Variants in TNIP1 observed in about 807,000 individuals in gnomAD.
TNIP1 encodes the protein TNFAIP3-interacting protein 1.
TNIP1 carries 22 observed loss-of-function variants against 86.6 expected under a neutral mutation model. That is an observed-to-expected ratio of 0.25 (90% CI 0.18 to 0.36). The LOEUF (loss-of-function observed/expected upper bound fraction) is 0.36. Among genes scored for constraint, TNIP1 ranks in the 10% least tolerant of loss-of-function variants. The pLI is 1.00. For synonymous variants in TNIP1, 294 were observed against 313.0 expected, an observed-to-expected ratio of 0.94 and a Z score of 0.64; for missense variants, 709 against 820.6, an observed-to-expected ratio of 0.86 and a Z score of 1.66.
intron 12 of TNIP1, among the ~76,000 whole-genome samples, chr5:151,037,881 G>C (rs562235861): frequency 1.3e-5 from 2 of 152,310 alleles, no homozygotes; most frequent in Middle Eastern, 6.8e-3. Context: ...GCTCCGAGGG[G>C]AAGTTATGGC....
chr5:151,083,200 A>C (rs1487089276), upstream of TNIP1, among the ~76,000 whole-genome samples: 2 of 152,170 alleles, frequency 1.3e-5, no homozygotes, highest in African/African-American at 4.8e-5. Flanking sequence ...GGCCCCTCTA[A>C]GCCTCAGGCT....
At chr5:151,043,078 A>G in intron 9 of TNIP1, 117 bp from the exon 10 acceptor site, 5 of 1,007,618 alleles carry the variant, frequency 5.0e-6, no homozygotes, top group Non-Finnish European at 7.8e-6. Context: ...AATAGTGGCT[A>G]CAGACACTGT....
chr5:151,034,649 C>G (rs1437116837), intron 15 of TNIP1: 1 of 321,988 alleles, frequency 3.1e-6, no homozygotes, highest in African/African-American at 2.4e-5. Context: ...TGGGCATGGG[C>G]ACAAAAGGCT....
intron 11 of TNIP1, 142 bp downstream of exon 11, chr5:151,042,398 C>G: frequency 9.6e-7 from 1 of 1,042,880 alleles, no homozygotes; most frequent in East Asian, 2.5e-5. Flanking sequence ...AGGGAAGGAA[C>G]GTGCCTGTGT....
intron 1 of TNIP1, among the ~76,000 whole-genome samples, chr5:151,067,920 G>A (rs958165088): frequency 7.2e-5 from 11 of 152,204 alleles, no homozygotes; most frequent in African/African-American, 2.7e-4. Flanking sequence ...CAGATGTAAG[G>A]CGAAGGGACA....
Position 151,063,478 on chromosome 5 carries a change from T to C in TNIP1, c.271+135A>G, listed in dbSNP as rs888955709. ...TCTGGGGGATGTGGCAGCCAAAACATGAATGGAAGGGTAGCCTGTGACCTA... is the reference window on the plus strand; with the variant it reads ...TCTGGGGGATGTGGCAGCCAAAACACGAATGGAAGGGTAGCCTGTGACCTA... On this transcript the variant is annotated intron_variant, in intron 3 of 17. Transcript: ENST00000521591. 3.8e-5 allele frequency: 51 copies of C among 1,341,816 alleles called. No individual in the cohort carries two copies. In the African/African-American group the frequency reaches 7.3e-4, roughly 19 times the overall value. The allele number at this position is 1,341,816 out of a possible 1,614,324, so 83.1% of individuals were successfully genotyped here.
intron 1 of TNIP1, among the ~76,000 whole-genome samples, chr5:151,065,886 C>T (rs977964427): frequency 5.3e-5 from 8 of 152,138 alleles, no homozygotes; most frequent in African/African-American, 1.9e-4. Context: ...TATTTGAGCA[C>T]CAAGGTTTTT....
In TNIP1 at chr5:151,042,899, C is replaced by T; in HGVS notation, c.999G>A (p.Gln333=). ...GTGGCCAGGAACCCCACATTACCTT[C>T]TGCTCATACTGCTGCTTCATGGACC... ...HFRSMKQQYE[Q]KITELRQKLA... Residue 333 remains glutamine (Q), a synonymous_variant, in exon 10 of 18, where the codon CAG becomes CAA. Coordinates refer to ENST00000521591, the MANE Select transcript of TNIP1 (RefSeq NM_006058.5). The T allele has an allele frequency of 6.2e-7, 1 of 1,613,914 alleles. No individual in the cohort carries two copies. Among genetic ancestry groups the T allele is most frequent in the South Asian group, 1.1e-5 (1 of 91,066 alleles).
intron 9 of TNIP1, among the ~76,000 whole-genome samples, chr5:151,044,747 G>A (rs1480911823): frequency 6.6e-6 from 1 of 152,152 alleles, no homozygotes; most frequent in African/African-American, 2.4e-5. Flanking sequence ...CTCGGGTCTG[G>A]AAAGACTGGA....
chr5:151,075,760 C>T (rs1156384885), intron 1 of TNIP1, among the ~76,000 whole-genome samples: 1 of 152,212 alleles, frequency 6.6e-6, no homozygotes, highest in East Asian at 1.9e-4. Context: ...ATAGCGAAGG[C>T]AAAGGACAAG....
At chr5:151,054,060 T>G (rs1442420880) in intron 6 of TNIP1, among the ~76,000 whole-genome samples, 1 of 151,944 alleles carries the variant, frequency 6.6e-6, no homozygotes, top group Non-Finnish European at 1.5e-5. Context: ...ACAAAAGAGG[T>G]GTAGAAGGGA....
rs752999267 is a variant in TNIP1 at position 151,056,947 on chromosome 5, G to T, written c.446C>A (p.Pro149His). 7.2e-6 allele frequency: 11 copies of T among 1,523,894 alleles called. 1 individual carries two copies. In the South Asian group the frequency reaches 1.3e-4, roughly 19 times the overall value. The allele number at this position is 1,523,894 out of a possible 1,614,324, so 94.4% of individuals were successfully genotyped here. Residue 149 changes from proline (P) to histidine (H), a missense_variant, in exon 6 of 18, where the codon CCC becomes CAC. Transcript: ENST00000521591. ...CAGGTTGCCGTCCTCACGGGGCAGG[G>T]GGCCCAGCGCCTGGAGAGGGAAAGG... ...SSHANAMALG[P>H]LPREDGNLML...
At chr5:151,049,174 A>G (rs1296495758) in intron 8 of TNIP1, among the ~76,000 whole-genome samples, 1 of 152,206 alleles carries the variant, frequency 6.6e-6, no homozygotes, top group Non-Finnish European at 1.5e-5. Context: ...TAAAGGGTGA[A>G]GTAAAAACAC....
intron 5 of TNIP1, among the ~76,000 whole-genome samples, chr5:151,057,748 T>C (rs543941109): frequency 6.6e-6 from 1 of 152,228 alleles, no homozygotes; most frequent in Admixed American, 6.5e-5. Flanking sequence ...GTATTGAACA[T>C]GTACAGAATT....
chr5:151,041,574 T>C (rs1385115770), intron 11 of TNIP1, among the ~76,000 whole-genome samples: 1 of 152,200 alleles, frequency 6.6e-6, no homozygotes, highest in Non-Finnish European at 1.5e-5. Flanking sequence ...GCTATGTCAC[T>C]GAGGTTGGTC....
At chr5:151,042,860 C>A (rs1367539576) in intron 10 of TNIP1, 36 bp downstream of exon 10, 1 of 1,612,448 alleles carries the variant, frequency 6.2e-7, no homozygotes, top group Non-Finnish European at 8.5e-7. Context: ...GAAGACCAGG[C>A]ATGCCCTGTG....
At chr5:151,035,822 G>A (rs192817360) in intron 13 of TNIP1, 115 bp from the exon 14 acceptor site, 324 of 1,380,636 alleles carry the variant, frequency 2.3e-4, no homozygotes, top group Admixed American at 2.2e-3. Context: ...GCTGGGGGTC[G>A]CCATGGGGAG....
intron 5 of TNIP1, among the ~76,000 whole-genome samples, chr5:151,057,200 G>A (rs1351870491): frequency 6.6e-6 from 1 of 152,182 alleles, no homozygotes; most frequent in African/African-American, 2.4e-5. Context: ...CCACACACTG[G>A]GCCTTGCAGA....
intron 9 of TNIP1, 69 bp from the exon 10 acceptor site, chr5:151,043,030 A>G (rs997764073): frequency 6.6e-7 from 1 of 1,521,146 alleles, no homozygotes; most frequent in Non-Finnish European, 9.1e-7. Context: ...CTCCTGCCCC[A>G]TGTACACCAG....
Sources: allele counts gnomAD v4.1 joint callset (sites outside exome capture counted in the v4.1 genomes callset), GRCh38; gene constraint gnomAD v4.1.1; transcripts MANE v1.5; gene names NCBI Gene and HGNC (gene_info 2026-07-23, HGNC 2026-07-21).